Variants in CUX1 observed in about 807,000 individuals in gnomAD.
The protein encoded by CUX1 is protein CASP.
Under a neutral mutation model 158.8 loss-of-function variants are expected in CUX1, and 31 were observed. The observed-to-expected ratio is 0.20, with a 90% CI of 0.15 to 0.26. CUX1 has a LOEUF of 0.26. CUX1 is among the 10% of genes least tolerant of loss of function. The pLI, the probability that CUX1 is intolerant of heterozygous loss-of-function variation, is 1.00. For synonymous variants in CUX1, 879 were observed against 862.1 expected, an observed-to-expected ratio of 1.02 and a Z score of -0.34; for missense variants, 1,589 against 2,014.6, an observed-to-expected ratio of 0.79 and a Z score of 4.04.
chr7:102,195,787 C>T (rs1167676997), intron 14 of CUX1, among the ~76,000 whole-genome samples, 184 bp downstream of exon 14: 10 of 152,242 alleles, frequency 6.6e-5, no homozygotes, highest in African/African-American at 2.4e-4. Flanking sequence ...CCCTTCCCCG[C>T]CCTGCTTAAA....
At chr7:102,245,172 A>G (rs1554536477) in intron 23 of CUX1, among the ~76,000 whole-genome samples, 1 of 152,152 alleles carries the variant, frequency 6.6e-6, no homozygotes, top group Non-Finnish European at 1.5e-5. Context: ...CCTCAGGAGT[A>G]GCTGGGGCTT....
chr7:101,854,968 C>T (rs982149207), intron 1 of CUX1, among the ~76,000 whole-genome samples: 17 of 152,194 alleles, frequency 1.1e-4, no homozygotes, highest in African/African-American at 2.7e-4. Context: ...CTCCTGACCT[C>T]AAGTGATCCT....
intron 20 of CUX1, among the ~76,000 whole-genome samples, chr7:102,225,907 T>C (rs1168307464): frequency 6.6e-6 from 1 of 152,230 alleles, no homozygotes; most frequent in East Asian, 1.9e-4. Context: ...TTACTCTGTG[T>C]CACCCTCAGT....
At chr7:101,919,532 C>T (rs200330207) in intron 2 of CUX1, among the ~76,000 whole-genome samples, 2 of 152,228 alleles carry the variant, frequency 1.3e-5, no homozygotes, top group East Asian at 3.8e-4. Flanking sequence ...CCCATGGCAA[C>T]ATACCTTCCA....
intron 10 of CUX1, among the ~76,000 whole-genome samples, chr7:102,177,967 A>G (rs560286661): frequency 7.2e-5 from 11 of 152,234 alleles, no homozygotes; most frequent in South Asian, 4.1e-4. Flanking sequence ...ATCTCAGCTC[A>G]GCGCAACCTT....
At chr7:102,039,883 A>G (rs1231400767) in intron 3 of CUX1, among the ~76,000 whole-genome samples, 1 of 152,144 alleles carries the variant, frequency 6.6e-6, no homozygotes, top group Non-Finnish European at 1.5e-5. Context: ...TCATCACAGT[A>G]TCACCTGCTG....
At chr7:102,194,554 C>A (rs1351217300) in intron 13 of CUX1, among the ~76,000 whole-genome samples, 2 of 151,596 alleles carry the variant, frequency 1.3e-5, no homozygotes, top group Non-Finnish European at 2.9e-5. Context: ...GAGCTATGAT[C>A]GCACCACTGC....
At position 102,098,948 on chromosome 7, in the gene CUX1, C is replaced by T. The variant is rs558083088; in HGVS notation, c.406+1447C>T. Among the ~76,000 whole-genome samples the T allele has an allele frequency of 1.3e-3, 196 of 151,842 alleles. 1 individual carries two copies. Among genetic ancestry groups the T allele is most frequent in the African/African-American group, 4.4e-3 (181 of 41,440 alleles). On this transcript the variant is annotated intron_variant, in intron 5 of 23. Transcript: ENST00000292535. ...TGCTGGGATTACAGGCGTGAGCCAC[C>T]GCACCCAGCCAATTGGCAAAGACTT...
chr7:102,141,671 G>T (rs1392356626), intron 8 of CUX1, among the ~76,000 whole-genome samples: 1 of 152,076 alleles, frequency 6.6e-6, no homozygotes, highest in Non-Finnish European at 1.5e-5. Flanking sequence ...TGCCCAGGCT[G>T]TAGTGCAGTG....
chr7:102,043,331 G>C (rs1013503383), intron 3 of CUX1, among the ~76,000 whole-genome samples: 10 of 129,322 alleles, frequency 7.7e-5, no homozygotes, highest in African/African-American at 3.1e-4. Flanking sequence ...CACTGTGTGT[G>C]TGTGTGTGTG....
chr7:101,976,028 A>G lies in CUX1; in HGVS notation c.142-52070A>G, dbSNP rs191142954. On this transcript the variant is annotated intron_variant, in intron 2 of 23. Transcript: ENST00000292535. ...ATGCCTGTAATCCCAGCTACTTGGG[A>G]GGCTGAGGCAGGGAGAATCACTTGA... Among the ~76,000 whole-genome samples, 629 of 152,134 alleles carry G rather than the reference A, an allele frequency of 4.1e-3. 2 individuals carry two copies. Among genetic ancestry groups the G allele is most frequent in the Middle Eastern group, 6.8e-3 (2 of 294 alleles).
At chr7:102,197,340 A>C in intron 15 of CUX1, 35 bp downstream of exon 15, 1 of 1,596,644 alleles carries the variant, frequency 6.3e-7, no homozygotes. Context: ...CCAGCGTGCG[A>C]GCCCGTCACA....
chr7:102,226,825 T>G (rs1191078414), intron 20 of CUX1, among the ~76,000 whole-genome samples: 1 of 152,132 alleles, frequency 6.6e-6, no homozygotes, highest in Non-Finnish European at 1.5e-5. Flanking sequence ...GAGATGGAGT[T>G]TCACCACGTT....
In CUX1 at chr7:102,251,699, A is replaced by G. The variant is rs1801523347; in HGVS notation, c.*2657A>G. 1 of 985,264 alleles carries G rather than the reference A, an allele frequency of 1.0e-6. No individual in the cohort carries two copies. Among genetic ancestry groups the G allele is most frequent in the African/African-American group, 1.7e-5 (1 of 57,208 alleles). The allele number at this position is 985,264 out of a possible 1,614,324, so 61.0% of individuals were successfully genotyped here. On this transcript the variant is annotated 3_prime_UTR_variant, in exon 24 of 24. Transcript: ENST00000292535. ...GACAGTGAGTGGCAGAGCCCTGACG[A>G]CTGTGGTGTCCTCTCCACAAAACCC...
intron 8 of CUX1, among the ~76,000 whole-genome samples, chr7:102,119,660 C>T (rs782344204): frequency 1.3e-5 from 2 of 152,136 alleles, no homozygotes; most frequent in Non-Finnish European, 1.5e-5. Flanking sequence ...GCAAGGTTTC[C>T]GATTATAACC....
At chr7:102,122,614 A>G (rs782656357) in intron 8 of CUX1, among the ~76,000 whole-genome samples, 9 of 152,202 alleles carry the variant, frequency 5.9e-5, no homozygotes, top group Non-Finnish European at 1.3e-4. Context: ...GGGCTAGACA[A>G]AAACAAGGGG....
upstream of CUX1, chr7:101,816,937 C>G: frequency 1.0e-6 from 1 of 982,482 alleles, no homozygotes; most frequent in Non-Finnish European, 1.2e-6. Flanking sequence ...GGTTTGTTTA[C>G]GTCCCGGGGA....
rs534986714 is a variant in CUX1 at position 101,833,562 on chromosome 7, TAA to T, written c.30+15916_30+15917del. On this transcript the variant is annotated intron_variant, in intron 1 of 23. Coordinates refer to ENST00000292535, the MANE Select transcript of CUX1 (RefSeq NM_181552.4). ...AGAGCAAGAGGAAGACTCTGTCTCTTAAAAAAAAAAAAAAAAAAAAAAAAGAA... is the reference window on the plus strand; with the variant it reads ...AGAGCAAGAGGAAGACTCTGTCTCTTAAAAAAAAAAAAAAAAAAAAAAGAA... Among the ~76,000 whole-genome samples, 9 of 75,808 alleles carry T rather than the reference TAA, an allele frequency of 1.2e-4. No individual in the cohort carries two copies. The Admixed American group carries it at 1.2e-3, about 11-fold the overall frequency. The allele number at this position is 75,808 out of a possible 152,430, so 49.7% of individuals were successfully genotyped here. A position where few individuals can be genotyped will look rare whatever the true frequency, so the allele number is the denominator to read the frequency against.
intron 5 of CUX1, among the ~76,000 whole-genome samples, chr7:102,103,842 A>G (rs1048658245): frequency 5.9e-5 from 9 of 152,036 alleles, no homozygotes; most frequent in South Asian, 4.1e-4. Flanking sequence ...CAGGCATGCA[A>G]TGTGAAACAT....
Sources: gnomAD v4.1 joint callset for allele counts (sites outside exome capture counted in the v4.1 genomes callset) on GRCh38, gnomAD v4.1.1 for gene constraint, MANE v1.5 for transcripts, NCBI Gene and HGNC (gene_info 2026-07-23, HGNC 2026-07-21) for gene names.